The following LTA4H variants were observed in gnomAD, a reference collection of about 807,000 sequenced individuals.
LTA4H encodes leukotriene A4 hydrolase.
A neutral mutation model predicts 89.8 loss-of-function variants in LTA4H; 59 were observed. The observed-to-expected ratio is 0.66, with a 90% CI of 0.53 to 0.82. The LOEUF (loss-of-function observed/expected upper bound fraction) is 0.82, where lower values mean the gene tolerates loss of function less well. Among genes scored for constraint, LTA4H ranks in the 40% least tolerant of loss-of-function variants. The pLI is 0.00. For missense variants in LTA4H, 617 were observed against 727.0 expected (o/e 0.85, Z 1.74); for synonymous variants, 227 against 253.1 (o/e 0.90, Z 0.98).
At chr12:96,004,827 C>T (rs1950172012) in intron 16 of LTA4H, among the ~76,000 whole-genome samples, 1 of 152,130 alleles carries the variant, frequency 6.6e-6, no homozygotes. Flanking sequence ...TCCAAGGCTC[C>T]CTGACTTGCC....
intron 7 of LTA4H, 39 bp downstream of exon 7, chr12:96,019,125 ACTGT>A (rs761107902): frequency 1.3e-6 from 2 of 1,529,624 alleles, no homozygotes; most frequent in South Asian, 1.2e-5. Flanking sequence ...TCTTCAATCT[ACTGT>A]CTATCACAAT....
rs75336536 is a variant in LTA4H at position 96,002,481 on chromosome 12, C to T, written c.1718+479G>A. On this transcript the variant is annotated intron_variant, in intron 18 of 18. Coordinates refer to ENST00000228740, the MANE Select transcript of LTA4H (RefSeq NM_000895.3). ...TCATAAAGACCTTGACTGAGATATTCTTGTATCTTGCTGTCAAGATACAAC... is the reference window on the plus strand; with the variant it reads ...TCATAAAGACCTTGACTGAGATATTTTTGTATCTTGCTGTCAAGATACAAC... Among the ~76,000 whole-genome samples the T allele has an allele frequency of 4.1e-4, 63 of 152,214 alleles. 1 individual carries two copies. The East Asian group carries it at 9.3e-3, about 22-fold the overall frequency.
At position 96,015,619 on chromosome 12, in the gene LTA4H, A is replaced by C. The variant is rs1209420388; in HGVS notation, c.1023T>G (p.Phe341Leu). ...GRLFGEKFRH[F>L]NALGGWGELQ... is the part of the protein sequence containing the mutation. ...GTTCTCCCCATCCTCCCAGAGCATT[A>C]AAATGTCTGAACTTTTCACCAAACA... is the stretch of plus-strand genomic sequence containing the variant. Residue 341 changes from phenylalanine to leucine, a missense_variant, in exon 11 of 19, where the codon TTT (phenylalanine) becomes TTG (leucine). Physicochemically the swap from Phe to Leu is conservative, Grantham distance 22 (BLOSUM62 0). This residue lies in a region of LTA4H where 290 missense variants were observed against 339.1 expected (regional missense o/e 0.86). Coordinates refer to ENST00000228740, the MANE Select transcript of LTA4H (RefSeq NM_000895.3). 1.2e-6 allele frequency: 2 copies of C among 1,614,022 alleles called. No individual in the cohort carries two copies. Among genetic ancestry groups the C allele is most frequent in the Non-Finnish European group, 1.7e-6 (2 of 1,179,864 alleles).
intron 16 of LTA4H, 163 bp from the exon 17 acceptor site, chr12:96,004,083 T>C (rs542861375): frequency 2.5e-6 from 1 of 398,824 alleles, no homozygotes; most frequent in South Asian, 6.0e-5. Context: ...AAGTAAATTC[T>C]GTGCAAACTT....
intron 18 of LTA4H, among the ~76,000 whole-genome samples, chr12:96,001,722 T>C (rs1389651294): frequency 6.6e-6 from 1 of 151,986 alleles, no homozygotes; most frequent in Non-Finnish European, 1.5e-5. Flanking sequence ...AAATAAATAA[T>C]AAATACACTA....
chr12:96,037,987 G>A, upstream of LTA4H, among the ~76,000 whole-genome samples: 1 of 152,172 alleles, frequency 6.6e-6, no homozygotes, highest in East Asian at 1.9e-4. Context: ...ACCGCGCCCG[G>A]CCGAGAAAGA....
intron 1 of LTA4H, chr12:96,043,258 C>G (rs1950701943): frequency 6.8e-7 from 1 of 1,473,000 alleles, no homozygotes; most frequent in Non-Finnish European, 9.2e-7. Flanking sequence ...GAAAGAACCT[C>G]ACATGCCTTG....
At chr12:96,031,779 T>C (rs1950577263) in intron 1 of LTA4H, among the ~76,000 whole-genome samples, 1 of 152,194 alleles carries the variant, frequency 6.6e-6, no homozygotes, top group Non-Finnish European at 1.5e-5. Context: ...TCTCTCTTCC[T>C]GCAAATTATT....
intron 12 of LTA4H, 156 bp from the exon 13 acceptor site, chr12:96,014,009 A>C (rs915962129): frequency 1.9e-6 from 1 of 529,962 alleles, no homozygotes; most frequent in Non-Finnish European, 3.3e-6. Flanking sequence ...AATGTTCAAA[A>C]AAGGAGGTGG....
rs148374643 is a variant in LTA4H at position 96,041,555 on chromosome 12, T to TA, written c.87+1733dup. Among the ~76,000 whole-genome samples, 694 of 147,724 alleles carry TA rather than the reference T, an allele frequency of 4.7e-3. 3 individuals carry two copies. The highest frequency in any genetic ancestry group is 0.015 in the African/African-American group (612 of 40,386). On this transcript the variant is annotated intron_variant, in intron 1 of 17. Transcript: ENST00000413268. Reference sequence around the variant, plus strand: ...AAATACATACACTTTTTATGTCAATTAAAAAAAAAACAAAAAAAGAAATGT... The same window carrying TA: ...AAATACATACACTTTTTATGTCAATTAAAAAAAAAAACAAAAAAAGAAATGT...
chr12:96,001,123 A>C lies in LTA4H; in HGVS notation c.1719-17T>G. The C allele has an allele frequency of 2.6e-6, 4 of 1,538,100 alleles. No individual in the cohort carries two copies. Among genetic ancestry groups the C allele is most frequent in the Non-Finnish European group, 3.6e-6 (4 of 1,111,252 alleles). ...GCAAGATCCCTGCCAAAAAAGAAAA[A>C]ATTGAAAAGAAAGAAAGGCGAGAAG... On this transcript the variant is annotated splice_polypyrimidine_tract_variant and intron_variant, in intron 18 of 18. Transcript: ENST00000228740.
intron 14 of LTA4H, chr12:96,010,044 G>A (rs567439320): frequency 2.6e-5 from 4 of 152,296 alleles, no homozygotes; most frequent in African/African-American, 9.6e-5. Context: ...GTGGACTGCA[G>A]GCATGCCATT....
intron 8 of LTA4H, among the ~76,000 whole-genome samples, chr12:96,018,257 A>G (rs1950405016): frequency 6.6e-6 from 1 of 152,184 alleles, no homozygotes; most frequent in South Asian, 2.1e-4. Flanking sequence ...TTCCTTTCAA[A>G]AACAAGATGG....
chr12:96,026,999 A>G (rs1950520018), intron 3 of LTA4H, among the ~76,000 whole-genome samples: 1 of 152,216 alleles, frequency 6.6e-6, no homozygotes, highest in Admixed American at 6.5e-5. Context: ...AATATGGAAA[A>G]GCTACATTCC....
At chr12:96,034,681 G>A (rs952877869) in intron 1 of LTA4H, among the ~76,000 whole-genome samples, 2 of 152,236 alleles carry the variant, frequency 1.3e-5, no homozygotes, top group Non-Finnish European at 2.9e-5. Context: ...AAAGTAGGGC[G>A]GAAAGAAGAG....
At chr12:96,038,979 C>T (rs970400415), upstream of LTA4H, among the ~76,000 whole-genome samples, 6 of 151,850 alleles carry the variant, frequency 4.0e-5, no homozygotes, top group East Asian at 9.6e-4. Flanking sequence ...ATACCACTCA[C>T]CCCAAATATA....
chr12:96,024,658 C>T, intron 3 of LTA4H, 111 bp from the exon 4 acceptor site: 2 of 619,550 alleles, frequency 3.2e-6, no homozygotes, highest in Non-Finnish European at 5.5e-6. Flanking sequence ...AAACAGTCCT[C>T]ATTTCTTGGG....
At chr12:96,012,821 C>T (rs554774960) in intron 14 of LTA4H, 40 of 180,642 alleles carry the variant, frequency 2.2e-4, no homozygotes, top group Non-Finnish European at 4.0e-4. Context: ...GACACTTTAC[C>T]TAGCTAAACC....
At chr12:96,006,441 C>T (rs768646853) in intron 15 of LTA4H, 32 bp from the exon 16 acceptor site, 1 of 1,326,384 alleles carries the variant, frequency 7.5e-7, no homozygotes, top group South Asian at 1.2e-5. Context: ...TATTTTTGTT[C>T]AAGTACAATT....
Sources: allele counts gnomAD v4.1 joint callset (sites outside exome capture counted in the v4.1 genomes callset), GRCh38; gene constraint gnomAD v4.1.1; regional missense constraint gnomAD v4.1.1; transcripts MANE v1.5; gene names NCBI Gene and HGNC (gene_info 2026-07-23, HGNC 2026-07-21).